VWA5A: variants seen among roughly 807,000 people sequenced by gnomAD.
The protein encoded by VWA5A is von Willebrand factor A domain-containing protein 5A.
A neutral mutation model predicts 84.6 loss-of-function variants in VWA5A; 77 were observed. The ratio of observed to expected loss-of-function variants is 0.91; its 90% CI spans 0.76 to 1.10. The LOEUF (loss-of-function observed/expected upper bound fraction) is 1.10. Among genes scored for constraint, VWA5A ranks in the 50% least tolerant of loss-of-function variants. VWA5A has a pLI of 0.00. For synonymous variants in VWA5A, 334 were observed against 350.1 expected (o/e 0.95, Z 0.51); for missense variants, 973 against 963.0 (o/e 1.01, Z -0.14).
intron 13 of VWA5A, 111 bp downstream of exon 13, chr11:124,136,404 T>C: frequency 3.4e-6 from 5 of 1,481,428 alleles, no homozygotes; most frequent in Non-Finnish European, 3.7e-6. Flanking sequence ...TTGCCAAGTA[T>C]AGCTAGCCTA....
intron 2 of VWA5A, 162 bp from the exon 3 acceptor site, chr11:124,117,335 T>C (rs1864847375): frequency 1.2e-5 from 8 of 691,522 alleles, no homozygotes; most frequent in East Asian, 5.4e-5. Flanking sequence ...AGGACCCTTA[T>C]GACTGAAATC....
Position 124,146,567 on chromosome 11 carries a change from G to C in VWA5A, c.*622G>C, listed in dbSNP as rs2137672501. 6.6e-6 allele frequency: 1 copy of C among 152,568 alleles called. No individual in the cohort carries two copies. The highest frequency in any genetic ancestry group is 1.5e-5 in the Non-Finnish European group (1 of 68,244). The allele number at this position is 152,568 out of a possible 1,614,324, so 9.5% of individuals were successfully genotyped here. A position where few individuals can be genotyped will look rare whatever the true frequency, so the allele number is the denominator to read the frequency against. On this transcript the variant is annotated 3_prime_UTR_variant, in exon 19 of 19. Coordinates refer to ENST00000456829, the MANE Select transcript of VWA5A (RefSeq NM_001130142.2). ...ATGTCTTTTCTTCCACTGCCTGAAAGACTTGGGTTGAACTATAACTGTTGG... is the reference window on the plus strand; with the variant it reads ...ATGTCTTTTCTTCCACTGCCTGAAACACTTGGGTTGAACTATAACTGTTGG...
At position 124,147,374 on chromosome 11, in the gene VWA5A, C is replaced by CT. The variant is rs918708890; in HGVS notation, c.*1429_*1430insT. 38 of 152,330 alleles carry CT rather than the reference C, an allele frequency of 2.5e-4. No homozygotes were observed. The highest frequency in any genetic ancestry group is 3.4e-3 in the Middle Eastern group (1 of 294). 9.4% of individuals were successfully genotyped at this position (152,330 alleles called of 1,614,324 possible). A position where few individuals can be genotyped will look rare whatever the true frequency, so the allele number is the denominator to read the frequency against. ...TAAACTAGAACTTTATTAACACTTT[C>CT]GAGTTCCACTCAGAATTCCTAGAGG... On this transcript the variant is annotated 3_prime_UTR_variant, in exon 19 of 19. Coordinates refer to ENST00000456829, the MANE Select transcript of VWA5A (RefSeq NM_001130142.2).
chr11:124,136,466 A>G, intron 13 of VWA5A, 108 bp from the exon 14 acceptor site: 1 of 1,421,128 alleles, frequency 7.0e-7, no homozygotes, highest in South Asian at 1.3e-5. Context: ...CTGATTCTTC[A>G]TCAGATATTT....
chr11:124,139,446 T>C (rs967483595), intron 15 of VWA5A, among the ~76,000 whole-genome samples: 1 of 152,194 alleles, frequency 6.6e-6, no homozygotes, highest in South Asian at 2.1e-4. Flanking sequence ...TTACATTTAT[T>C]TGTGTCTTCT....
intron 15 of VWA5A, among the ~76,000 whole-genome samples, chr11:124,139,182 G>A (rs1202762846): frequency 6.6e-6 from 1 of 150,718 alleles, no homozygotes; most frequent in Non-Finnish European, 1.5e-5. Context: ...TAGCTTTGTA[G>A]TATATTTTGA....
At chr11:124,136,707 T>TCCTC in intron 14 of VWA5A, 33 bp downstream of exon 14, 2 of 957,136 alleles carry the variant, frequency 2.1e-6, no homozygotes, top group Non-Finnish European at 1.5e-6. Flanking sequence ...CTTCCTTCCT[T>TCCTC]CCTTCCTTCC....
chr11:124,126,242 C>G (rs961012391), intron 11 of VWA5A, among the ~76,000 whole-genome samples: 2 of 152,160 alleles, frequency 1.3e-5, no homozygotes, highest in African/African-American at 4.8e-5. Context: ...TGTATTTTAG[C>G]ATTAGCTTGT....
In VWA5A at chr11:124,129,404, C is replaced by A. The variant is rs55956621; in HGVS notation, c.1244+5088C>A. On this transcript the variant is annotated intron_variant, in intron 11 of 18. Coordinates refer to ENST00000456829, the MANE Select transcript of VWA5A (RefSeq NM_001130142.2). Reference sequence around the variant, plus strand: ...GCTAGTATTTTATTGAGGATTTTCACATCCATGTTCATCACGGATATTGGC... The same window carrying A: ...GCTAGTATTTTATTGAGGATTTTCAAATCCATGTTCATCACGGATATTGGC... Among the ~76,000 whole-genome samples, 402 of 152,292 alleles carry A rather than the reference C, an allele frequency of 2.6e-3. 1 individual carries two copies. The highest frequency in any genetic ancestry group is 9.2e-3 in the African/African-American group (384 of 41,564).
rs1215523771 is a variant in VWA5A at position 124,145,284 on chromosome 11, G to C, written c.2202G>C (p.Leu734=). The C allele has an allele frequency of 6.2e-7, 1 of 1,613,886 alleles. No individual in the cohort carries two copies. Among genetic ancestry groups the C allele is most frequent in the South Asian group, 1.1e-5 (1 of 91,052 alleles). Residue 734 remains leucine, a synonymous_variant, in exon 18 of 19, where the codon CTG becomes CTC. Transcript: ENST00000456829. ...CCACCATCCTGGCCGTGATCTGGCTGCACAGCAATGGTAAGGACTTGAAGT... is the reference window on the plus strand; with the variant it reads ...CCACCATCCTGGCCGTGATCTGGCTCCACAGCAATGGTAAGGACTTGAAGT... ...GWATILAVIW[L]HSNGKDLKCE...
intron 15 of VWA5A, 64 bp downstream of exon 15, chr11:124,137,332 A>G: frequency 6.4e-7 from 1 of 1,556,230 alleles, no homozygotes. Flanking sequence ...TGAGCACATT[A>G]TTTAAAGGAA....
In VWA5A at chr11:124,136,565, A is replaced by G; in HGVS notation, c.1525-9A>G. The G allele has an allele frequency of 1.2e-6, 2 of 1,612,972 alleles. No individual in the cohort carries two copies. The highest frequency in any genetic ancestry group is 1.7e-6 in the Non-Finnish European group (2 of 1,179,016). On this transcript the variant is annotated splice_polypyrimidine_tract_variant and intron_variant, in intron 13 of 18. Coordinates refer to ENST00000456829, the MANE Select transcript of VWA5A (RefSeq NM_001130142.2). ...TGTTCCGTCATTTCTACTCATCTCT[A>G]ATTTGCAGGCAGCAGAGACAACAGG...
rs952106445 is a variant in VWA5A, at chr11:124,140,440, A to G, written c.1880-1158A>G. Reference sequence around the variant, plus strand: ...TAACTTAGAAAACTGAAAAAATCAGATATTATATTTTAAAACTAGGAATTT... The same window carrying G: ...TAACTTAGAAAACTGAAAAAATCAGGTATTATATTTTAAAACTAGGAATTT... On this transcript the variant is annotated intron_variant, in intron 15 of 18. Coordinates refer to ENST00000456829, the MANE Select transcript of VWA5A (RefSeq NM_001130142.2). Among the ~76,000 whole-genome samples, 7 of 151,966 alleles carry G rather than the reference A, an allele frequency of 4.6e-5. No individual in the cohort carries two copies. The South Asian group carries it at 1.5e-3, about 32-fold the overall frequency.
At chr11:124,116,083 T>C (rs1591353874) in intron 1 of VWA5A, 1 of 152,332 alleles carries the variant, frequency 6.6e-6, no homozygotes, top group Non-Finnish European at 1.5e-5. Flanking sequence ...TGGCCGGTGG[T>C]GCCACCCAGC....
chr11:124,120,460 C>T (rs1201620708), intron 7 of VWA5A, among the ~76,000 whole-genome samples: 8 of 152,284 alleles, frequency 5.3e-5, no homozygotes, highest in Non-Finnish European at 1.5e-5. Flanking sequence ...ACAATTATAG[C>T]TGTTGTCAAG....
At position 124,145,353 on chromosome 11, in the gene VWA5A, TGCCCATGCAGGTAGGA is replaced by T; in HGVS notation, c.2274_2281+8del. ...AAAGGAAGGCCGTGGCCTGGATGCG[TGCCCATGCAGGTAGGA>T]GCACAATCCTAAGGCCTGTCTCCTT... is the stretch of plus-strand genomic sequence containing the variant. On this transcript the variant is annotated splice_donor_variant and splice_donor_5th_base_variant and coding_sequence_variant and intron_variant, in exon 18 of 19. Coordinates refer to ENST00000456829, the MANE Select transcript of VWA5A (RefSeq NM_001130142.2). LOFTEE classifies it high-confidence loss of function. 1 of 1,612,706 alleles carries T rather than the reference TGCCCATGCAGGTAGGA, an allele frequency of 6.2e-7. No homozygotes were observed. Among genetic ancestry groups the T allele is most frequent in the African/African-American group, 1.3e-5 (1 of 74,904 alleles).
chr11:124,126,269 A>G (rs569247666), intron 11 of VWA5A, among the ~76,000 whole-genome samples: 6 of 152,364 alleles, frequency 3.9e-5, no homozygotes, highest in Admixed American at 3.9e-4. Flanking sequence ...TTACCAAAAA[A>G]GGAAACCTAT....
At chr11:124,136,883 C>A in intron 14 of VWA5A, 132 bp from the exon 15 acceptor site, 1 of 1,311,064 alleles carries the variant, frequency 7.6e-7, no homozygotes, top group Non-Finnish European at 1.0e-6. Flanking sequence ...TATTTCTAAA[C>A]CACCCAAGTC....
At position 124,134,946 on chromosome 11, in the gene VWA5A, G is replaced by A. The variant is rs1306999565; in HGVS notation, c.1271G>A (p.Gly424Asp). Residue 424 changes from glycine (G) to aspartate (D), a missense_variant, in exon 12 of 19, where the codon GGC becomes GAC. Transcript: ENST00000456829. ...HRCFSFGIGE[G>D]TSTSLIKGIA... ...TGTTTCTCATTTGGTATTGGAGAAGGCACCTCCACCAGCCTAATAAAAGGT... is the reference window on the plus strand; with the variant it reads ...TGTTTCTCATTTGGTATTGGAGAAGACACCTCCACCAGCCTAATAAAAGGT... The A allele has an allele frequency of 1.2e-6, 2 of 1,613,150 alleles. No individual in the cohort carries two copies. Among genetic ancestry groups the A allele is most frequent in the South Asian group, 1.1e-5 (1 of 90,746 alleles).
Sources: allele counts gnomAD v4.1 joint callset (sites outside exome capture counted in the v4.1 genomes callset), GRCh38; gene constraint gnomAD v4.1.1; transcripts MANE v1.5; gene names NCBI Gene and HGNC (gene_info 2026-07-23, HGNC 2026-07-21).